CSMD1: variants seen among roughly 807,000 people sequenced by gnomAD.
CSMD1 encodes the protein CUB and sushi domain-containing protein 1.
CSMD1 carries 213 observed loss-of-function variants against 417.5 expected under a neutral mutation model. That is an observed-to-expected ratio of 0.51 (90% CI 0.46 to 0.57). CSMD1 has a LOEUF of 0.57. Ranked by LOEUF, CSMD1 falls within the 20% of genes least tolerant of loss-of-function variation. CSMD1 has a pLI of 0.00. For missense variants in CSMD1, 6,923 were observed against 4,529.7 expected (o/e 1.53, Z -15.17); for synonymous variants, 2,862 against 1,736.8 (o/e 1.65, Z -16.11).
intron 10 of CSMD1, among the ~76,000 whole-genome samples, chr8:3,555,879 G>A (rs980828919): frequency 2.0e-5 from 3 of 152,066 alleles, no homozygotes; most frequent in Non-Finnish European, 4.4e-5. Context: ...TAATAATACT[G>A]TTTAGGGTTC....
intron 5 of CSMD1, among the ~76,000 whole-genome samples, chr8:3,838,633 A>C (rs1367015968): frequency 1.5e-5 from 2 of 131,462 alleles, no homozygotes; most frequent in Non-Finnish European, 3.1e-5. Flanking sequence ...ATTAATATAT[A>C]ATAAATTAAT....
At chr8:3,439,388 C>G (rs180875821) in intron 12 of CSMD1, among the ~76,000 whole-genome samples, 2 of 139,598 alleles carry the variant, frequency 1.4e-5, no homozygotes, top group Admixed American at 1.5e-4. Context: ...CTTAAATTTC[C>G]CTGATAGCTA....
At chr8:3,130,544 G>A (rs17390811) in intron 41 of CSMD1, among the ~76,000 whole-genome samples, 2,096 of 152,162 alleles carry the variant, frequency 0.014, 39 homozygotes, top group East Asian at 0.075. Flanking sequence ...AAAACAACCT[G>A]AATGCGTCAC....
At chr8:3,332,134 T>C (rs943525611) in intron 23 of CSMD1, among the ~76,000 whole-genome samples, 11 of 152,248 alleles carry the variant, frequency 7.2e-5, no homozygotes, top group Non-Finnish European at 1.6e-4. Flanking sequence ...ACAGGTATGA[T>C]ACATAAATGT....
intron 7 of CSMD1, among the ~76,000 whole-genome samples, chr8:3,706,330 C>A (rs1217693827): frequency 6.6e-6 from 1 of 152,204 alleles, no homozygotes; most frequent in East Asian, 1.9e-4. Context: ...TGAATGCTTG[C>A]CTGTCGCTTC....
Position 4,868,477 on chromosome 8 carries a change from C to T in CSMD1, c.85+125855G>A, listed in dbSNP as rs1172649789. Among the ~76,000 whole-genome samples the T allele has an allele frequency of 1.3e-5, 2 of 151,986 alleles. 1 individual carries two copies. The highest frequency in any genetic ancestry group is 2.9e-5 in the Non-Finnish European group (2 of 68,000). ...TCTCAAACTCCTGACCTCAGGTGAT[C>T]CGCCTGCCTCGGTCTCCCAAAGTGC... is the stretch of plus-strand genomic sequence containing the variant. On this transcript the variant is annotated intron_variant, in intron 1 of 69. Coordinates refer to ENST00000635120, the MANE Select transcript of CSMD1 (RefSeq NM_033225.6).
intron 5 of CSMD1, among the ~76,000 whole-genome samples, chr8:3,939,589 C>G (rs1810739781): frequency 6.6e-6 from 1 of 152,082 alleles, no homozygotes; most frequent in South Asian, 2.1e-4. Flanking sequence ...CAGCACAATT[C>G]ACAACTCTAA....
intron 12 of CSMD1, among the ~76,000 whole-genome samples, chr8:3,458,455 T>C (rs966890476): frequency 6.6e-6 from 1 of 152,212 alleles, no homozygotes; most frequent in Non-Finnish European, 1.5e-5. Flanking sequence ...CTGTCCTGAA[T>C]GTCAGCATAT....
chr8:3,464,308 G>C (rs1380651961), intron 12 of CSMD1, among the ~76,000 whole-genome samples: 1 of 152,068 alleles, frequency 6.6e-6, no homozygotes, highest in Non-Finnish European at 1.5e-5. Flanking sequence ...ACATGTAATT[G>C]CTTATAAAAA....
chr8:4,435,778 C>CT (rs1218376380), intron 2 of CSMD1, among the ~76,000 whole-genome samples: 2 of 152,196 alleles, frequency 1.3e-5, no homozygotes, highest in Non-Finnish European at 2.9e-5. Context: ...CCTTTGACAG[C>CT]TAAACAAGAC....
intron 5 of CSMD1, among the ~76,000 whole-genome samples, chr8:3,926,797 C>T (rs1225447216): frequency 7.1e-6 from 1 of 141,840 alleles, no homozygotes; most frequent in Non-Finnish European, 1.5e-5. Context: ...CTCACTGCAA[C>T]CTCTGCCTCC....
At chr8:4,940,781 CA>C (rs897255029) in intron 1 of CSMD1, among the ~76,000 whole-genome samples, 1 of 151,958 alleles carries the variant, frequency 6.6e-6, no homozygotes, top group African/African-American at 2.4e-5. Flanking sequence ...AATGAGGGGG[CA>C]AAAAAATTTT....
chr8:4,787,397 C>T, intron 1 of CSMD1: 1 of 738,272 alleles, frequency 1.4e-6, no homozygotes, highest in Non-Finnish European at 2.5e-6. Context: ...AAGAAGTCTA[C>T]GAAAAGTCCT....
intron 6 of CSMD1, among the ~76,000 whole-genome samples, chr8:3,714,835 G>A (rs1408117047): frequency 1.3e-5 from 2 of 152,090 alleles, no homozygotes; most frequent in African/African-American, 2.4e-5. Context: ...AAATTAAACT[G>A]TTCTTGAATT....
chr8:4,576,535 G>T (rs773816853), intron 2 of CSMD1, among the ~76,000 whole-genome samples: 50 of 152,160 alleles, frequency 3.3e-4, no homozygotes, highest in Non-Finnish European at 7.2e-4. Context: ...AGATAGCAAG[G>T]ACTGTCTCTC....
chr8:4,075,203 A>G (rs1004587157), intron 3 of CSMD1, among the ~76,000 whole-genome samples: 2 of 152,206 alleles, frequency 1.3e-5, no homozygotes, highest in Admixed American at 6.5e-5. Flanking sequence ...TAAAATGTAA[A>G]TAATATTTCA....
At chr8:4,009,151 T>G (rs927357586) in intron 4 of CSMD1, among the ~76,000 whole-genome samples, 1 of 152,202 alleles carries the variant, frequency 6.6e-6, no homozygotes, top group Non-Finnish European at 1.5e-5. Context: ...ATAAGGCATT[T>G]AAGGAAAGAT....
intron 12 of CSMD1, among the ~76,000 whole-genome samples, chr8:3,445,345 G>T (rs1045069696): frequency 1.3e-5 from 2 of 152,134 alleles, no homozygotes; most frequent in African/African-American, 4.8e-5. Flanking sequence ...TCTGCAGATT[G>T]ACGTGTATAC....
chr8:3,407,709 CTAAA>C, intron 14 of CSMD1, among the ~76,000 whole-genome samples, 186 bp downstream of exon 14: 1 of 152,286 alleles, frequency 6.6e-6, no homozygotes, highest in South Asian at 2.1e-4. Flanking sequence ...AGCCACCTAT[CTAAA>C]TACAGTGATA....
Sources: allele counts gnomAD v4.1 joint callset (sites outside exome capture counted in the v4.1 genomes callset), GRCh38; gene constraint gnomAD v4.1.1; transcripts MANE v1.5; gene names NCBI Gene and HGNC (gene_info 2026-07-23, HGNC 2026-07-21).